The following STK33 variants were observed in gnomAD, a reference collection of about 807,000 sequenced individuals.
STK33 encodes serine/threonine-protein kinase 33.
In STK33, 52 loss-of-function variants were observed where a neutral mutation model predicts 58.0. That is an observed-to-expected ratio of 0.90 (90% CI 0.72 to 1.13). The LOEUF (loss-of-function observed/expected upper bound fraction) is 1.13. Among genes scored for constraint, STK33 ranks in the 50% most tolerant of loss-of-function variants. The pLI is 0.00. For synonymous variants in STK33, 215 were observed against 200.1 expected, an observed-to-expected ratio of 1.07 and a Z score of -0.63; for missense variants, 630 against 604.2, an observed-to-expected ratio of 1.04 and a Z score of -0.45.
At chr11:8,361,806 G>C in the STK33 span, among the ~76,000 whole-genome samples, 374 of 152,334 alleles carry the variant, frequency 2.5e-3, 1 homozygote, top group African/African-American at 8.8e-3. This position sits in a 1 kb window ranked among gnomAD's most constrained non-coding sequence, Gnocchi z 4.8. Flanking sequence ...GTGGCATGGA[G>C]GGGGTGTTCC....
intron 1 of STK33, among the ~76,000 whole-genome samples, chr11:8,528,603 G>C (rs1463172131): frequency 1.3e-5 from 2 of 152,164 alleles, no homozygotes; most frequent in Admixed American, 6.5e-5. Context: ...CAAATATTCT[G>C]AGATAAAGAC....
the STK33 span, among the ~76,000 whole-genome samples, chr11:8,353,641 T>C: frequency 6.0e-4 from 91 of 152,296 alleles, no homozygotes; most frequent in African/African-American, 2.0e-3. Flanking sequence ...AACCAGTCCA[T>C]GTCCAAAATT....
In STK33 at chr11:8,461,919, T is replaced by C. The variant is rs1947574722; in HGVS notation, c.454-10A>G. 5.7e-6 allele frequency: 9 copies of C among 1,566,430 alleles called. No individual in the cohort carries two copies. Among genetic ancestry groups the C allele is most frequent in the Non-Finnish European group, 5.2e-6 (6 of 1,159,338 alleles). ...CAGCAGAGCTTCCAGCCTTAATCAA[T>C]GAAGAAACACAGATTTCACATAATG... On this transcript the variant is annotated splice_polypyrimidine_tract_variant and intron_variant, in intron 7 of 15. Transcript: ENST00000687296.
intron 12 of STK33, among the ~76,000 whole-genome samples, chr11:8,439,832 T>C (rs1050457831): frequency 1.4e-5 from 2 of 143,680 alleles, no homozygotes; most frequent in African/African-American, 5.2e-5. Context: ...CAAATACATA[T>C]ATATATGTAT....
intron 12 of STK33, among the ~76,000 whole-genome samples, chr11:8,438,128 C>T (rs752497237): frequency 1.3e-5 from 2 of 152,180 alleles, no homozygotes; most frequent in African/African-American, 2.4e-5. Flanking sequence ...TAGCATGCAA[C>T]TATAGCTTAA....
At chr11:8,414,096 T>C (rs1273915077) in intron 14 of STK33, among the ~76,000 whole-genome samples, 1 of 152,108 alleles carries the variant, frequency 6.6e-6, no homozygotes, top group Non-Finnish European at 1.5e-5. Context: ...GATGAGTCTA[T>C]ACAACATCCA....
chr11:8,527,363 T>G (rs1279800002), intron 1 of STK33, among the ~76,000 whole-genome samples: 2 of 152,234 alleles, frequency 1.3e-5, no homozygotes, highest in Non-Finnish European at 2.9e-5. Flanking sequence ...TGTTCTATTA[T>G]TGATCTGAGT....
chr11:8,472,586 A>C (rs1948881505), intron 6 of STK33, among the ~76,000 whole-genome samples: 1 of 152,190 alleles, frequency 6.6e-6, no homozygotes, highest in South Asian at 2.1e-4. Context: ...GCCCCAAAGC[A>C]ATTTAAATGG....
intron 1 of STK33, among the ~76,000 whole-genome samples, chr11:8,539,225 G>A (rs956399997): frequency 9.2e-5 from 14 of 152,004 alleles, no homozygotes; most frequent in African/African-American, 3.4e-4. Flanking sequence ...AATTTAAAAC[G>A]AAGTAAAAAT....
At chr11:8,412,053 C>T (rs1940342576) in intron 15 of STK33, among the ~76,000 whole-genome samples, 2 of 152,054 alleles carry the variant, frequency 1.3e-5, no homozygotes, top group South Asian at 2.1e-4. Context: ...ATGTTAGATG[C>T]AGTGACAAAT....
intron 15 of STK33, among the ~76,000 whole-genome samples, chr11:8,408,513 T>C (rs1054116893): frequency 7.2e-5 from 11 of 152,224 alleles, no homozygotes; most frequent in Admixed American, 4.6e-4. Flanking sequence ...GCCTTGTTTA[T>C]GGGAGCCTAT....
the STK33 span, among the ~76,000 whole-genome samples, chr11:8,342,583 C>G: frequency 1.3e-5 from 2 of 152,236 alleles, no homozygotes; most frequent in Non-Finnish European, 2.9e-5. Context: ...TGCCTCGGGG[C>G]TGGTGCCCCA....
chr11:8,591,590 C>T (rs2032598775), intron 1 of STK33, among the ~76,000 whole-genome samples: 1 of 152,152 alleles, frequency 6.6e-6, no homozygotes, highest in African/African-American at 2.4e-5. Context: ...ACAGTGCCCC[C>T]AGCATTCCCT....
intron 14 of STK33, among the ~76,000 whole-genome samples, chr11:8,422,308 C>G (rs1942039508): frequency 6.6e-6 from 1 of 152,116 alleles, no homozygotes; most frequent in Non-Finnish European, 1.5e-5. Context: ...TGGGGATACT[C>G]AAGTTGGCCA....
At chr11:8,545,067 T>C (rs1955811375) in intron 1 of STK33, among the ~76,000 whole-genome samples, 1 of 152,198 alleles carries the variant, frequency 6.6e-6, no homozygotes, top group Non-Finnish European at 1.5e-5. Flanking sequence ...GAAAGGGAAA[T>C]GATTTTTAAT....
chr11:8,394,416 T>C (rs760919850), intron 15 of STK33, among the ~76,000 whole-genome samples: 2 of 152,248 alleles, frequency 1.3e-5, no homozygotes, highest in Admixed American at 6.5e-5. Flanking sequence ...TACTTGGATT[T>C]TGAGTTATCA....
intron 8 of STK33, among the ~76,000 whole-genome samples, chr11:8,458,831 GTCTGATTTTGT>G (rs1184986700): frequency 1.3e-5 from 2 of 152,132 alleles, no homozygotes; most frequent in Non-Finnish European, 2.9e-5. Context: ...AGATCTTGAA[GTCTGATTTTGT>G]TCTTATAAGC....
chr11:8,471,217 T>C lies in STK33; in HGVS notation c.339+1946A>G, dbSNP rs1822762846. Reference sequence around the variant, plus strand: ...GTTAAACTTTTATTTTCTCTCTAAATAGAACCACAATTTGAAGACAGTATT... The same window carrying C: ...GTTAAACTTTTATTTTCTCTCTAAACAGAACCACAATTTGAAGACAGTATT... On this transcript the variant is annotated intron_variant, in intron 6 of 15. Transcript: ENST00000687296. 2.0e-5 allele frequency among the ~76,000 whole-genome samples: 3 copies of C among 152,326 alleles called. No individual in the cohort carries two copies. The South Asian group carries it at 6.2e-4, about 32-fold the overall frequency.
chr11:8,341,817 G>A, the STK33 span, among the ~76,000 whole-genome samples: 1 of 152,208 alleles, frequency 6.6e-6, no homozygotes, highest in African/African-American at 2.4e-5. Flanking sequence ...AAAATGGAAT[G>A]ATAAATAGAG....
Sources: gnomAD v4.1 joint callset for allele counts (sites outside exome capture counted in the v4.1 genomes callset) on GRCh38, gnomAD v4.1.1 for gene constraint, Gnocchi (gnomAD v3.1) non-coding constraint, MANE v1.5 for transcripts, NCBI Gene and HGNC (gene_info 2026-07-23, HGNC 2026-07-21) for gene names.